The following RSBN1 variants were observed in gnomAD, a reference collection of about 807,000 sequenced individuals.
RSBN1 encodes the protein lysine-specific demethylase 9.
A neutral mutation model predicts 74.8 loss-of-function variants in RSBN1; 23 were observed. That is an observed-to-expected ratio of 0.31 (90% CI 0.22 to 0.44). The LOEUF is 0.44. RSBN1 is among the 20% of genes least tolerant of loss of function. The pLI, the probability that RSBN1 is intolerant of heterozygous loss-of-function variation, is 1.00. For missense variants in RSBN1, 808 were observed against 1,020.9 expected (o/e 0.79, Z 2.84); for synonymous variants, 407 against 379.6 (o/e 1.07, Z -0.84).
chr1:113,806,892 G>A (rs530827331), intron 1 of RSBN1, among the ~76,000 whole-genome samples: 1 of 150,718 alleles, frequency 6.6e-6, no homozygotes, highest in East Asian at 2.0e-4. Flanking sequence ...GCACACGTGT[G>A]GTCTCAGCTA....
At chr1:113,784,535 C>G (rs549873826) in intron 2 of RSBN1, among the ~76,000 whole-genome samples, 2 of 152,258 alleles carry the variant, frequency 1.3e-5, no homozygotes, top group Admixed American at 1.3e-4. Context: ...ATGAAACTGA[C>G]CCACCTCAGA....
intron 2 of RSBN1, among the ~76,000 whole-genome samples, chr1:113,791,359 TCA>T (rs1413283206): frequency 2.0e-5 from 3 of 152,236 alleles, no homozygotes. Context: ...AAACTCAACT[TCA>T]CAGTTATCCT....
intron 1 of RSBN1, among the ~76,000 whole-genome samples, chr1:113,803,386 A>G (rs1248039179): frequency 6.6e-6 from 1 of 152,200 alleles, no homozygotes; most frequent in Non-Finnish European, 1.5e-5. Context: ...GCTGGATCGT[A>G]TAGTATGTTT....
intron 2 of RSBN1, among the ~76,000 whole-genome samples, chr1:113,780,993 C>T (rs1412269005): frequency 6.6e-6 from 1 of 152,114 alleles, no homozygotes; most frequent in African/African-American, 2.4e-5. Context: ...TCAGCTGCTT[C>T]CATATCTAGT....
At chr1:113,801,349 T>G (rs1660581409) in intron 1 of RSBN1, among the ~76,000 whole-genome samples, 1 of 152,168 alleles carries the variant, frequency 6.6e-6, no homozygotes, top group Non-Finnish European at 1.5e-5. Context: ...ACAGAGAAAT[T>G]TAAGACTACC....
intron 4 of RSBN1, among the ~76,000 whole-genome samples, chr1:113,773,303 T>C (rs1034549625): frequency 6.6e-6 from 1 of 152,136 alleles, no homozygotes; most frequent in African/African-American, 2.4e-5. Flanking sequence ...AGTGGCTAGA[T>C]CCCTTGAGGC....
rs1176502205 is a variant in RSBN1 at position 113,792,456 on chromosome 1, A to G, written c.1377+4907T>C. Among the ~76,000 whole-genome samples, 4 of 152,006 alleles carry G rather than the reference A, an allele frequency of 2.6e-5. No individual in the cohort carries two copies. In the South Asian group the frequency reaches 6.2e-4, roughly 24 times the overall value. On this transcript the variant is annotated intron_variant, in intron 2 of 6. Coordinates refer to ENST00000261441, the MANE Select transcript of RSBN1 (RefSeq NM_018364.5). ...TAGTGCTCACACCTGTAATCCGAAC[A>G]TGCTAGGAGGCCAAAGCAGGAGAAT...
rs780812925 is a variant in RSBN1 at position 113,765,945 on chromosome 1, A to T, written c.*35T>A. On this transcript the variant is annotated 3_prime_UTR_variant, in exon 7 of 7. Transcript: ENST00000261441. ...AAACTATAACTTCACATCAAAATTTAAAAAAGTTAAAAAATGTGTTTGAAT... is the reference window on the plus strand; with the variant it reads ...AAACTATAACTTCACATCAAAATTTTAAAAAGTTAAAAAATGTGTTTGAAT... 192 of 1,526,630 alleles carry T rather than the reference A, an allele frequency of 1.3e-4. 1 individual carries two copies. Among genetic ancestry groups the T allele is most frequent in the Admixed American group, 1.1e-3 (58 of 52,752 alleles). The allele number at this position is 1,526,630 out of a possible 1,614,324, so 94.6% of individuals were successfully genotyped here. A position where few individuals can be genotyped will look rare whatever the true frequency, so the allele number is the denominator to read the frequency against.
At chr1:113,784,101 C>A (rs562647908) in intron 2 of RSBN1, among the ~76,000 whole-genome samples, 2 of 152,088 alleles carry the variant, frequency 1.3e-5, no homozygotes, top group East Asian at 1.9e-4. Flanking sequence ...AGGAAGAATG[C>A]AAGAAATCAA....
chr1:113,782,387 A>G (rs924710499), intron 2 of RSBN1, among the ~76,000 whole-genome samples: 1 of 152,178 alleles, frequency 6.6e-6, no homozygotes, highest in African/African-American at 2.4e-5. Context: ...AGTGACTAAG[A>G]CTTGAGAGAA....
intron 2 of RSBN1, among the ~76,000 whole-genome samples, chr1:113,782,838 T>TGG (rs2101803264): frequency 6.6e-6 from 1 of 152,346 alleles, no homozygotes; most frequent in Admixed American, 6.5e-5. Context: ...CAGCCAGAAC[T>TGG]GGGGTGAGGT....
intron 2 of RSBN1, among the ~76,000 whole-genome samples, chr1:113,792,314 G>C (rs1302777991): frequency 6.6e-6 from 1 of 152,082 alleles, no homozygotes; most frequent in Non-Finnish European, 1.5e-5. Context: ...TGTATTTTTA[G>C]TGTTTGTTAT....
chr1:113,797,368 T>C lies in RSBN1; in HGVS notation c.1372A>G (p.Thr458Ala). 1.2e-6 allele frequency: 2 copies of C among 1,605,782 alleles called. No individual in the cohort carries two copies. Among genetic ancestry groups the C allele is most frequent in the Non-Finnish European group, 1.7e-6 (2 of 1,176,862 alleles). Reference sequence around the variant, plus strand: ...AACAACAATTTTTATCTTACCTGAGTGTGAAAATTTGAAATGGTGGTTGTT... The same window carrying C: ...AACAACAATTTTTATCTTACCTGAGCGTGAAAATTTGAAATGGTGGTTGTT... ...IETTTISNFH[T>A]QVNRTYCCGT... The change falls in exon 2 of 7, where the codon ACT (threonine) becomes GCT (alanine). Residue 458 changes from threonine to alanine, a missense_variant. Thr to Ala is a moderately conservative substitution (Grantham distance 58, BLOSUM62 0). Transcript: ENST00000261441.
At chr1:113,795,321 A>T (rs1660449171) in intron 2 of RSBN1, among the ~76,000 whole-genome samples, 1 of 152,234 alleles carries the variant, frequency 6.6e-6, no homozygotes, top group African/African-American at 2.4e-5. Flanking sequence ...CATGGGAAAC[A>T]CAGATAAAAT....
At chr1:113,767,229 T>G in intron 5 of RSBN1, 22 bp from the exon 6 acceptor site, 1 of 1,375,096 alleles carries the variant, frequency 7.3e-7, no homozygotes, top group Middle Eastern at 1.8e-4. Flanking sequence ...AAAATTAAGT[T>G]TCAGAGACAA....
At chr1:113,782,118 A>G (rs1660150295) in intron 2 of RSBN1, among the ~76,000 whole-genome samples, 1 of 152,226 alleles carries the variant, frequency 6.6e-6, no homozygotes, top group South Asian at 2.1e-4. Flanking sequence ...CACATTTGCC[A>G]CATTCTAAAT....
chr1:113,796,185 C>A (rs889377694), intron 2 of RSBN1: 5 of 152,056 alleles, frequency 3.3e-5, no homozygotes, highest in African/African-American at 7.2e-5. Context: ...CACTTCGGTA[C>A]CTGGTTGTGG....
rs1660434144 is a variant in RSBN1, at chr1:113,794,628, T to C, written c.1377+2735A>G. On this transcript the variant is annotated intron_variant, in intron 2 of 6. Coordinates refer to ENST00000261441, the MANE Select transcript of RSBN1 (RefSeq NM_018364.5). ...GTTCTTACCAAGTTAAGTATTAACA[T>C]GCTTTCAAGATTGTACTCAAGCATC... Among the ~76,000 whole-genome samples the C allele has an allele frequency of 2.0e-5, 3 of 152,358 alleles. No homozygotes were observed. The South Asian group carries it at 6.2e-4, about 32-fold the overall frequency.
At chr1:113,806,832 C>A (rs1660707625) in intron 1 of RSBN1, among the ~76,000 whole-genome samples, 2 of 108,944 alleles carry the variant, frequency 1.8e-5, no homozygotes, top group Non-Finnish European at 1.8e-5. Flanking sequence ...GAGACCCTGC[C>A]TCTATCAAAA....
Sources: gnomAD v4.1 joint callset for allele counts (sites outside exome capture counted in the v4.1 genomes callset) on GRCh38, gnomAD v4.1.1 for gene constraint, MANE v1.5 for transcripts, NCBI Gene and HGNC (gene_info 2026-07-23, HGNC 2026-07-21) for gene names.